The following SPOP variants were observed in gnomAD, a reference collection of about 807,000 sequenced individuals.
The protein encoded by SPOP is speckle-type POZ protein.
SPOP carries 11 observed loss-of-function variants against 45.6 expected under a neutral mutation model. The ratio of observed to expected loss-of-function variants is 0.24; its 90% confidence interval spans 0.15 to 0.40. The LOEUF is 0.40. Ranked by LOEUF, SPOP falls within the 10% of genes least tolerant of loss-of-function variation. SPOP has a pLI of 1.00. For missense variants in SPOP, 152 were observed against 465.6 expected, an observed-to-expected ratio of 0.33 and a Z score of 6.20; for synonymous variants, 166 against 166.3, an observed-to-expected ratio of 1.00 and a Z score of 0.01.
intron 1 of SPOP, among the ~76,000 whole-genome samples, chr17:49,644,838 T>C (rs892708757): frequency 7.9e-5 from 12 of 152,280 alleles, no homozygotes; most frequent in African/African-American, 2.6e-4. Flanking sequence ...CATACATACA[T>C]ACACATCTAT....
At chr17:49,611,570 ATAT>A in intron 5 of SPOP, 113 bp from the exon 6 acceptor site, 1 of 974,590 alleles carries the variant, frequency 1.0e-6, no homozygotes, top group South Asian at 1.4e-5. Flanking sequence ...AATATTAATC[ATAT>A]TATCTTGAAA....
chr17:49,633,153 G>A (rs192398309), intron 1 of SPOP, among the ~76,000 whole-genome samples: 5 of 152,262 alleles, frequency 3.3e-5, no homozygotes, highest in African/African-American at 1.2e-4. Flanking sequence ...TATTTCTTAG[G>A]TAAGTATAGA....
intron 1 of SPOP, among the ~76,000 whole-genome samples, chr17:49,625,825 T>C (rs1365316678): frequency 1.3e-5 from 2 of 152,114 alleles, no homozygotes; most frequent in Non-Finnish European, 2.9e-5. Context: ...AGTTTCATAC[T>C]GGGAGAGGGA....
intron 5 of SPOP, among the ~76,000 whole-genome samples, chr17:49,614,372 T>G (rs2072038229): frequency 6.6e-6 from 1 of 152,192 alleles, no homozygotes; most frequent in South Asian, 2.1e-4. Context: ...AAAGCAAATC[T>G]TAGATGACTA....
At chr17:49,612,949 G>C (rs1209400159) in intron 5 of SPOP, 1 of 152,184 alleles carries the variant, frequency 6.6e-6, no homozygotes, top group Non-Finnish European at 1.5e-5. Flanking sequence ...CTTCTGTGCA[G>C]GAGTGAGATA....
intron 3 of SPOP, among the ~76,000 whole-genome samples, chr17:49,620,467 CAA>C (rs755698106): frequency 1.3e-4 from 9 of 66,906 alleles, no homozygotes; most frequent in East Asian, 5.2e-4. Context: ...GACTCTGTCT[CAA>C]AAAAAAAAAA....
chr17:49,624,323 G>A (rs1380261434), intron 1 of SPOP, among the ~76,000 whole-genome samples: 4 of 95,438 alleles, frequency 4.2e-5, no homozygotes, highest in East Asian at 2.8e-4. Flanking sequence ...ACACACACGC[G>A]CGCGCGCGCA....
At chr17:49,660,761 G>A (rs1224419530) in intron 1 of SPOP, among the ~76,000 whole-genome samples, 7 of 152,068 alleles carry the variant, frequency 4.6e-5, no homozygotes, top group African/African-American at 1.2e-4. Flanking sequence ...TCAGGAGATC[G>A]AAACCATCCT....
intron 1 of SPOP, among the ~76,000 whole-genome samples, chr17:49,640,724 A>G (rs575299915): frequency 6.6e-6 from 1 of 152,284 alleles, no homozygotes; most frequent in East Asian, 1.9e-4. Context: ...GTCCTGCACA[A>G]TCTGGACTTG....
Position 49,599,383 on chromosome 17 carries a change from C to A in SPOP, c.*995G>T. ...GGCTAGTCAGAAGGAACAGAACTGG[C>A]TCCTATGCAGGCGGCAAGTCAGGTA... is the stretch of plus-strand genomic sequence containing the variant. On this transcript the variant is annotated 3_prime_UTR_variant, in exon 10 of 10. Transcript: ENST00000504102. 4.4e-6 allele frequency: 1 copy of A among 225,812 alleles called. No individual in the cohort carries two copies. The highest frequency in any genetic ancestry group is 5.7e-5 in the Admixed American group (1 of 17,546). The allele number at this position is 225,812 out of a possible 1,614,324, so 14.0% of individuals were successfully genotyped here.
At chr17:49,677,725 G>C (rs2143605629) in intron 1 of SPOP, among the ~76,000 whole-genome samples, 1 of 152,060 alleles carries the variant, frequency 6.6e-6, no homozygotes, top group Admixed American at 6.6e-5. Flanking sequence ...TGTGTCTTCT[G>C]AATGCTTGAG....
At chr17:49,606,556 C>T (rs968189273) in intron 8 of SPOP, among the ~76,000 whole-genome samples, 15 of 143,116 alleles carry the variant, frequency 1.0e-4, no homozygotes, top group Non-Finnish European at 3.0e-5. Context: ...TGGAGTGGCA[C>T]GATCTCAGCT....
intron 1 of SPOP, among the ~76,000 whole-genome samples, chr17:49,645,277 A>G (rs2072734255): frequency 6.6e-6 from 1 of 152,116 alleles, no homozygotes; most frequent in Non-Finnish European, 1.5e-5. Flanking sequence ...ATAAATGTCA[A>G]TAAGAAAGCA....
intron 1 of SPOP, among the ~76,000 whole-genome samples, chr17:49,638,950 T>C (rs980701053): frequency 6.6e-6 from 1 of 151,974 alleles, no homozygotes; most frequent in African/African-American, 2.4e-5. Flanking sequence ...GAGGTGGCAG[T>C]TGTAGTGAGC....
At chr17:49,666,226 A>C (rs1361473623) in intron 1 of SPOP, among the ~76,000 whole-genome samples, 2 of 151,956 alleles carry the variant, frequency 1.3e-5, no homozygotes, top group Non-Finnish European at 2.9e-5. Context: ...TCAATAAAGG[A>C]TGCTTGGTCA....
In SPOP at chr17:49,665,287, A is replaced by C. The variant is rs186054157; in HGVS notation, c.-67+12646T>G. ...GAAAAGTCCATTATATATCATGTGA[A>C]TATATTTTGGACAACAAATAGCTTC... On this transcript the variant is annotated intron_variant, in intron 1 of 9. Coordinates refer to ENST00000504102, the MANE Select transcript of SPOP (RefSeq NM_001007228.2). Among the ~76,000 whole-genome samples the C allele has an allele frequency of 9.5e-4, 144 of 152,200 alleles. 1 individual carries two copies. Among genetic ancestry groups the C allele is most frequent in the African/African-American group, 3.2e-3 (134 of 41,536 alleles).
chr17:49,658,314 T>C (rs2072942268), intron 1 of SPOP, among the ~76,000 whole-genome samples: 1 of 152,196 alleles, frequency 6.6e-6, no homozygotes, highest in South Asian at 2.1e-4. Context: ...TTTACTTTTT[T>C]CTTTATACTT....
intron 1 of SPOP, 130 bp from the exon 2 acceptor site, chr17:49,623,006 TA>T: frequency 3.6e-5 from 19 of 522,858 alleles, no homozygotes; most frequent in South Asian, 5.0e-5. Flanking sequence ...ACTGAGGTCC[TA>T]AAATTTTTTT....
At chr17:49,612,084 T>C (rs941717634) in intron 5 of SPOP, among the ~76,000 whole-genome samples, 4 of 152,142 alleles carry the variant, frequency 2.6e-5, no homozygotes, top group Admixed American at 2.0e-4. Context: ...GGTCTCACTA[T>C]GTTGCCCAGG....
Sources: allele counts gnomAD v4.1 joint callset (sites outside exome capture counted in the v4.1 genomes callset), GRCh38; gene constraint gnomAD v4.1.1; transcripts MANE v1.5; gene names NCBI Gene and HGNC (gene_info 2026-07-23, HGNC 2026-07-21).